Variants in CPM observed in about 807,000 individuals in gnomAD.
CPM encodes the protein carboxypeptidase M.
CPM carries 35 observed loss-of-function variants against 46.4 expected under a neutral mutation model. The observed-to-expected ratio is 0.75, with a 90% CI of 0.58 to 1.00. The LOEUF (loss-of-function observed/expected upper bound fraction) is 1.00. Among genes scored for constraint, CPM ranks in the 50% least tolerant of loss-of-function variants. The probability of loss-of-function intolerance (pLI) is 0.00; values close to 1 mark genes in which losing one functional copy is unlikely to be tolerated. For missense variants in CPM, 422 were observed against 530.4 expected (o/e 0.80, Z 2.01); for synonymous variants, 195 against 195.3 (o/e 1.00, Z 0.01).
chr12:68,932,646 G>GT, intron 2 of CPM, 32 bp downstream of exon 2: 2 of 1,610,994 alleles, frequency 1.2e-6, no homozygotes, highest in Non-Finnish European at 1.7e-6. Context: ...AGGACTGAGG[G>GT]TTTGGCAAAG....
At chr12:68,861,498 T>C (rs1287764961) in intron 7 of CPM, among the ~76,000 whole-genome samples, 1 of 152,008 alleles carries the variant, frequency 6.6e-6, no homozygotes, top group African/African-American at 2.4e-5. Flanking sequence ...GCATAAAAAA[T>C]GAAGCAGAGC....
At chr12:68,943,825 C>T (rs1032017333) in intron 1 of CPM, among the ~76,000 whole-genome samples, 3 of 151,556 alleles carry the variant, frequency 2.0e-5, no homozygotes, top group Non-Finnish European at 4.4e-5. Context: ...AAATTTATTT[C>T]TTTTCTAGCT....
chr12:68,953,884 T>C (rs906186672), intron 1 of CPM, among the ~76,000 whole-genome samples: 12 of 152,276 alleles, frequency 7.9e-5, no homozygotes, highest in Non-Finnish European at 1.6e-4. Flanking sequence ...TGGGATGGGT[T>C]ATAATATCAA....
chr12:68,902,667 A>G (rs1887159144), intron 2 of CPM, among the ~76,000 whole-genome samples: 1 of 152,216 alleles, frequency 6.6e-6, no homozygotes, highest in African/African-American at 2.4e-5. Context: ...GTGCTTTATC[A>G]TTTAATCCTC....
intron 1 of CPM, among the ~76,000 whole-genome samples, chr12:68,961,622 A>G (rs1234800278): frequency 6.6e-6 from 1 of 152,098 alleles, no homozygotes; most frequent in Non-Finnish European, 1.5e-5. Context: ...ACAACTGTAT[A>G]AGTTGAATGA....
intron 1 of CPM, among the ~76,000 whole-genome samples, chr12:68,940,188 A>G (rs1013798727): frequency 6.6e-6 from 1 of 152,004 alleles, no homozygotes. Flanking sequence ...AACAGAAAGT[A>G]TAGGGTTCCC....
chr12:68,896,724 T>TA (rs1886888855), intron 2 of CPM, among the ~76,000 whole-genome samples: 1 of 152,188 alleles, frequency 6.6e-6, no homozygotes, highest in Non-Finnish European at 1.5e-5. Flanking sequence ...GGTTTCAAGT[T>TA]AGATTCTTCC....
chr12:68,857,631 G>C (rs1233222334), intron 8 of CPM, among the ~76,000 whole-genome samples: 1 of 151,806 alleles, frequency 6.6e-6, no homozygotes, highest in Non-Finnish European at 1.5e-5. Context: ...GTGGAGAAGG[G>C]AAAAAATGGG....
intron 2 of CPM, among the ~76,000 whole-genome samples, chr12:68,925,260 A>C (rs1463488280): frequency 6.6e-6 from 1 of 152,218 alleles, no homozygotes; most frequent in Non-Finnish European, 1.5e-5. Flanking sequence ...AAACAGCTTT[A>C]GACTTAGTAA....
intron 7 of CPM, 63 bp downstream of exon 7, chr12:68,866,833 C>G (rs1885470744): frequency 7.0e-7 from 1 of 1,426,128 alleles, no homozygotes; most frequent in Non-Finnish European, 9.8e-7. Context: ...TTAGTCAACC[C>G]AGAGGTCTTG....
chr12:68,920,378 G>A (rs1887984564), intron 2 of CPM, among the ~76,000 whole-genome samples: 1 of 152,164 alleles, frequency 6.6e-6, no homozygotes, highest in Non-Finnish European at 1.5e-5. Flanking sequence ...ATGTCTCTAG[G>A]TGTCTATGTT....
downstream of CPM, chr12:68,846,217 T>A (rs1884286334): frequency 6.6e-6 from 1 of 152,126 alleles, no homozygotes; most frequent in African/African-American, 2.4e-5. Context: ...CCTCCCAAAG[T>A]ACTGGGATTA....
At chr12:68,889,876 TGGAC>T (rs1333460103) in intron 2 of CPM, among the ~76,000 whole-genome samples, 1 of 152,140 alleles carries the variant, frequency 6.6e-6, no homozygotes, top group African/African-American at 2.4e-5. Flanking sequence ...ACACCTACCC[TGGAC>T]GAAGACATGT....
intron 1 of CPM, among the ~76,000 whole-genome samples, chr12:68,939,651 A>G (rs1171028312): frequency 1.3e-5 from 2 of 152,104 alleles, no homozygotes; most frequent in African/African-American, 2.4e-5. Context: ...TCAGGATTCA[A>G]TTCACCTTAG....
intron 1 of CPM, among the ~76,000 whole-genome samples, chr12:68,938,896 C>T (rs1888714420): frequency 1.4e-5 from 2 of 142,790 alleles, no homozygotes; most frequent in Non-Finnish European, 3.0e-5. Flanking sequence ...TATATATGTA[C>T]ATACATATAT....
chr12:68,856,599 C>T lies in CPM; in HGVS notation c.1170G>A (p.Lys390=). 6.2e-7 allele frequency: 1 copy of T among 1,614,154 alleles called. No homozygotes were observed. Among genetic ancestry groups the T allele is most frequent in the Non-Finnish European group, 8.5e-7 (1 of 1,180,014 alleles). The change falls in exon 9 of 9, where the codon AAG becomes AAA. Residue 390 remains lysine, a synonymous_variant. Coordinates refer to ENST00000551568, the MANE Select transcript of CPM (RefSeq NM_198320.5). The part of the protein sequence containing the change: ...EKSQNFSALK[K]DILLPFQGQL... Reference sequence around the variant, plus strand: ...GCCCTTGGAATGGAAGTAGAATATCCTTTTTAAGAGCACTGAAGTTCTGGG... The same window carrying T: ...GCCCTTGGAATGGAAGTAGAATATCTTTTTTAAGAGCACTGAAGTTCTGGG...
chr12:68,937,111 A>G (rs999529391), upstream of CPM, among the ~76,000 whole-genome samples: 12 of 152,248 alleles, frequency 7.9e-5, no homozygotes, highest in African/African-American at 2.4e-4. Context: ...AATTAATACA[A>G]TCTTTCTGGA....
intron 1 of CPM, among the ~76,000 whole-genome samples, chr12:68,958,141 G>T (rs1010104003): frequency 1.3e-5 from 2 of 152,040 alleles, no homozygotes; most frequent in African/African-American, 2.4e-5. Flanking sequence ...GAATAGTGCC[G>T]CAATAAACAT....
At chr12:68,916,609 G>A (rs1756654849) in intron 2 of CPM, among the ~76,000 whole-genome samples, 1 of 152,032 alleles carries the variant, frequency 6.6e-6, no homozygotes, top group Non-Finnish European at 1.5e-5. Flanking sequence ...AGAATCTCTG[G>A]GCTGGGCACG....
Sources: allele counts gnomAD v4.1 joint callset (sites outside exome capture counted in the v4.1 genomes callset), GRCh38; gene constraint gnomAD v4.1.1; transcripts MANE v1.5; gene names NCBI Gene and HGNC (gene_info 2026-07-23, HGNC 2026-07-21).